Variants in ZNF638 observed in about 807,000 individuals in gnomAD.
The protein encoded by ZNF638 is CTCL tumor antigen se33-1.
ZNF638 carries 46 observed loss-of-function variants against 195.6 expected under a neutral mutation model. The observed-to-expected ratio is 0.24, with a 90% CI of 0.19 to 0.30. ZNF638 has a LOEUF of 0.30. ZNF638 is among the 10% of genes least tolerant of loss of function. ZNF638 has a pLI of 1.00. For synonymous variants in ZNF638, 845 were observed against 772.0 expected, an observed-to-expected ratio of 1.09 and a Z score of -1.57; for missense variants, 2,440 against 2,325.3, an observed-to-expected ratio of 1.05 and a Z score of -1.01.
intron 6 of ZNF638, 63 bp downstream of exon 6, chr2:71,365,769 T>C: frequency 7.0e-7 from 1 of 1,429,408 alleles, no homozygotes; most frequent in East Asian, 2.5e-5. Flanking sequence ...CTCGCTGGAC[T>C]GCAGTGGTGC....
chr2:71,420,535 A>T (rs2080409627), intron 21 of ZNF638, among the ~76,000 whole-genome samples: 1 of 152,194 alleles, frequency 6.6e-6, no homozygotes, highest in Admixed American at 6.5e-5. Flanking sequence ...TTCAGTGTTA[A>T]CGTTTGTTCT....
rs78808224 is a variant in ZNF638 at position 71,381,676 on chromosome 2, A to T, written c.2377+1111A>T. Among the ~76,000 whole-genome samples, 618 of 152,266 alleles carry T rather than the reference A, an allele frequency of 4.1e-3. 5 individuals are homozygous for T. Among genetic ancestry groups the T allele is most frequent in the Non-Finnish European group, 4.6e-3 (310 of 67,976 alleles). On this transcript the variant is annotated intron_variant, in intron 10 of 27. Transcript: ENST00000264447. ...GTAATTTCTGAAAGAAGTTTTGGGT[A>T]AAAAGGTTTGGGGTGTGTGTTATAG...
At chr2:71,371,452 C>T (rs1287722282) in intron 8 of ZNF638, among the ~76,000 whole-genome samples, 2 of 152,128 alleles carry the variant, frequency 1.3e-5, no homozygotes, top group African/African-American at 2.4e-5. Context: ...TACTAATTTA[C>T]GTTCCCACCA....
chr2:71,377,180 G>T (rs1434142479), intron 8 of ZNF638, among the ~76,000 whole-genome samples: 1 of 152,050 alleles, frequency 6.6e-6, no homozygotes, highest in Non-Finnish European at 1.5e-5. Flanking sequence ...TGGGAGGATC[G>T]CTTGAGCCTG....
At chr2:71,360,670 A>G (rs562961633) in intron 3 of ZNF638, among the ~76,000 whole-genome samples, 6 of 151,672 alleles carry the variant, frequency 4.0e-5, no homozygotes, top group Non-Finnish European at 7.4e-5. Context: ...CCCACTTCCT[A>G]TAGTTTTCTA....
chr2:71,389,707 A>G (rs1230944128), intron 10 of ZNF638, among the ~76,000 whole-genome samples: 2 of 152,244 alleles, frequency 1.3e-5, no homozygotes, highest in East Asian at 3.9e-4. Context: ...GCGGAAGTTC[A>G]ACAAGGATCT....
At chr2:71,359,684 C>A (rs780909731) in intron 3 of ZNF638, among the ~76,000 whole-genome samples, 2 of 152,234 alleles carry the variant, frequency 1.3e-5, no homozygotes, top group African/African-American at 2.4e-5. Flanking sequence ...TCATAACTTT[C>A]TCTCCACTGC....
intron 2 of ZNF638, among the ~76,000 whole-genome samples, chr2:71,350,581 A>G (rs1018194286): frequency 2.0e-5 from 3 of 152,214 alleles, no homozygotes; most frequent in African/African-American, 7.2e-5. Flanking sequence ...TTACAAGACA[A>G]TGTCACATGG....
intron 21 of ZNF638, among the ~76,000 whole-genome samples, chr2:71,421,326 T>C (rs1345538654): frequency 6.6e-6 from 1 of 151,398 alleles, no homozygotes; most frequent in East Asian, 1.9e-4. Flanking sequence ...CTCTTAAAAT[T>C]AGCCATTTAT....
chr2:71,332,227 C>T (rs1025754570), intron 1 of ZNF638, among the ~76,000 whole-genome samples: 3 of 152,258 alleles, frequency 2.0e-5, no homozygotes, highest in Non-Finnish European at 2.9e-5. Flanking sequence ...GCCCCTTCCC[C>T]AGCAGCGCCC....
At chr2:71,337,877 G>T (rs1239076363) in intron 1 of ZNF638, among the ~76,000 whole-genome samples, 1 of 151,940 alleles carries the variant, frequency 6.6e-6, no homozygotes, top group South Asian at 2.1e-4. Context: ...TCCATAGTCT[G>T]CCTTTATCTT....
At chr2:71,345,787 T>G (rs6746731) in intron 1 of ZNF638, among the ~76,000 whole-genome samples, 72,940 of 151,984 alleles carry the variant, frequency 0.48, 19,017 homozygotes, top group Admixed American at 0.61. Flanking sequence ...ACTACCGGCG[T>G]GAGTGAGCTA....
intron 8 of ZNF638, among the ~76,000 whole-genome samples, chr2:71,372,206 A>G (rs966588913): frequency 6.6e-6 from 1 of 152,094 alleles, no homozygotes; most frequent in Non-Finnish European, 1.5e-5. Flanking sequence ...CCCCAGCCCT[A>G]AGAGTTGCCT....
chr2:71,343,338 T>A (rs1300474326), intron 1 of ZNF638, among the ~76,000 whole-genome samples: 1 of 152,170 alleles, frequency 6.6e-6, no homozygotes, highest in African/African-American at 2.4e-5. Flanking sequence ...GCTTACTCCT[T>A]TCCACTAAAA....
At chr2:71,378,622 A>G (rs367595746) in intron 8 of ZNF638, among the ~76,000 whole-genome samples, 55 of 152,206 alleles carry the variant, frequency 3.6e-4, no homozygotes, top group African/African-American at 1.2e-3. Context: ...AAAAATGCAT[A>G]TGTATTATGT....
intron 8 of ZNF638, among the ~76,000 whole-genome samples, chr2:71,376,730 A>G (rs756022612): frequency 1.3e-5 from 2 of 152,082 alleles, no homozygotes; most frequent in African/African-American, 2.4e-5. Context: ...AAAAAATCCT[A>G]TATCCCTATG....
chr2:71,372,022 G>A (rs1173480364), intron 8 of ZNF638, among the ~76,000 whole-genome samples: 1 of 152,116 alleles, frequency 6.6e-6, no homozygotes, highest in African/African-American at 2.4e-5. Flanking sequence ...GTGTTTTCTT[G>A]TAGTAGTTTC....
intron 2 of ZNF638, among the ~76,000 whole-genome samples, chr2:71,355,135 A>AT (rs781462549): frequency 3.6e-4 from 54 of 151,986 alleles, no homozygotes; most frequent in South Asian, 2.1e-3. Context: ...CGCCTGGCTA[A>AT]TTTTTTGTAT....
intron 4 of ZNF638, 117 bp from the exon 5 acceptor site, chr2:71,363,837 T>A: frequency 7.8e-7 from 1 of 1,279,520 alleles, no homozygotes; most frequent in South Asian, 1.6e-5. Flanking sequence ...TACATATCTT[T>A]TATGAGAGTT....
Sources: gnomAD v4.1 joint callset for allele counts (sites outside exome capture counted in the v4.1 genomes callset) on GRCh38, gnomAD v4.1.1 for gene constraint, MANE v1.5 for transcripts, NCBI Gene and HGNC (gene_info 2026-07-23, HGNC 2026-07-21) for gene names.